The following TEAD4 variants were observed in gnomAD, a reference collection of about 807,000 sequenced individuals.
TEAD4 encodes TEA domain transcription factor 4, also known as transcriptional enhancer factor TEF-3.
TEAD4 carries 36 observed loss-of-function variants against 52.4 expected under a neutral mutation model. That is an observed-to-expected ratio of 0.69 (90% CI 0.53 to 0.91). The LOEUF (loss-of-function observed/expected upper bound fraction) is 0.91, where lower values mean the gene tolerates loss of function less well. Ranked by LOEUF, TEAD4 falls within the 40% of genes least tolerant of loss-of-function variation. The probability of loss-of-function intolerance (pLI) is 0.00; values close to 1 mark genes in which losing one functional copy is unlikely to be tolerated. For synonymous variants in TEAD4, 220 were observed against 231.0 expected, an observed-to-expected ratio of 0.95 and a Z score of 0.43; for missense variants, 508 against 583.9, an observed-to-expected ratio of 0.87 and a Z score of 1.34.
chr12:3,032,347 C>T (rs996674185), intron 10 of TEAD4, among the ~76,000 whole-genome samples: 4 of 152,100 alleles, frequency 2.6e-5, no homozygotes, highest in East Asian at 1.9e-4. Flanking sequence ...GCGCGGCCCT[C>T]GGCTTCCAGG....
In TEAD4 at chr12:3,020,708, G is replaced by A; in HGVS notation, c.658G>A (p.Ala220Thr). Residue 220 changes from alanine (A) to threonine (T), a missense_variant, in exon 9 of 13, where the codon GCC (alanine) becomes ACC (threonine). Ala to Thr is a moderately conservative substitution (Grantham distance 58). Coordinates refer to ENST00000359864, the MANE Select transcript of TEAD4 (RefSeq NM_003213.4). ...ACCCCCATGGCAGGGCCGCAGCGTG[G>A]CCAGCTCCAAGCTCTGGATGTTGGA... The A allele has an allele frequency of 6.2e-7, 1 of 1,609,286 alleles. No individual in the cohort carries two copies. The highest frequency in any genetic ancestry group is 8.5e-7 in the Non-Finnish European group (1 of 1,177,828).
chr12:3,012,550 C>G (rs2098261182), intron 5 of TEAD4, among the ~76,000 whole-genome samples: 1 of 152,100 alleles, frequency 6.6e-6, no homozygotes, highest in Admixed American at 6.5e-5. Flanking sequence ...GAGGGCCCCT[C>G]AGTGCCCTCG....
In TEAD4 at chr12:3,018,529, C is replaced by A; in HGVS notation, c.484-16C>A. ...CACCTGGGGCCGTGCTGATTCCATG[C>A]CTTTTGCCTCCTCAGTTTTGGCAAG... On this transcript the variant is annotated splice_polypyrimidine_tract_variant and intron_variant, in intron 6 of 12. Coordinates refer to ENST00000359864, the MANE Select transcript of TEAD4 (RefSeq NM_003213.4). The A allele has an allele frequency of 1.2e-6, 2 of 1,614,098 alleles. No homozygotes were observed. Among genetic ancestry groups the A allele is most frequent in the Non-Finnish European group, 1.7e-6 (2 of 1,179,980 alleles).
In TEAD4 at chr12:3,038,137, C is replaced by T. The variant is rs202226072; in HGVS notation, c.1038+29C>T. On this transcript the variant is annotated intron_variant, in intron 11 of 12. Coordinates refer to ENST00000359864, the MANE Select transcript of TEAD4 (RefSeq NM_003213.4). ...GGAGGCCACCCTGGCGGGTGAGGGC[C>T]GGTGGCAGTGGTCTGTGTTTGCTGG... 1.0e-3 allele frequency: 1,643 copies of T among 1,601,740 alleles called. 2 individuals carry two copies. Among genetic ancestry groups the T allele is most frequent in the Non-Finnish European group, 1.3e-3 (1,510 of 1,172,422 alleles).
rs1053879460 is a variant in TEAD4 at position 3,014,085 on chromosome 12, C to T, written c.354+1853C>T. Among the ~76,000 whole-genome samples, 53 of 152,316 alleles carry T rather than the reference C, an allele frequency of 3.5e-4. 1 individual carries two copies. Among genetic ancestry groups the T allele is most frequent in the African/African-American group, 1.2e-3 (49 of 41,570 alleles). ...ATCAGCCCAGCTGTTCCCCAAGCCC[C>T]ACAGCTGTGGCCTGGCACCTCGCTC... On this transcript the variant is annotated intron_variant, in intron 5 of 12. Transcript: ENST00000359864.
intron 11 of TEAD4, among the ~76,000 whole-genome samples, chr12:3,039,460 A>G (rs1436468197): frequency 1.3e-5 from 2 of 152,020 alleles, no homozygotes; most frequent in African/African-American, 2.4e-5. Context: ...CGGCACTCCT[A>G]TGTGCGCTTG....
At chr12:2,997,060 G>A (rs1299261792) in intron 3 of TEAD4, among the ~76,000 whole-genome samples, 1 of 152,174 alleles carries the variant, frequency 6.6e-6, no homozygotes, top group African/African-American at 2.4e-5. Flanking sequence ...GGTAGTCCAG[G>A]GAAGGTGTGG....
intron 6 of TEAD4, among the ~76,000 whole-genome samples, 200 bp downstream of exon 6, chr12:3,017,726 G>T (rs1358839158): frequency 6.6e-6 from 1 of 152,318 alleles, no homozygotes; most frequent in Middle Eastern, 3.4e-3. Flanking sequence ...GCTTTCTTGG[G>T]GTCCTCGGCA....
At chr12:3,006,581 G>A (rs889294591) in intron 3 of TEAD4, among the ~76,000 whole-genome samples, 1 of 152,190 alleles carries the variant, frequency 6.6e-6, no homozygotes, top group African/African-American at 2.4e-5. Context: ...CTACTTGGGA[G>A]GCTGAGGCAG....
intron 2 of TEAD4, among the ~76,000 whole-genome samples, chr12:2,969,996 C>T (rs1432374851): frequency 1.3e-5 from 2 of 152,062 alleles, no homozygotes; most frequent in African/African-American, 4.8e-5. Flanking sequence ...GAGGCTGAGG[C>T]GGGAGAGTTG....
chr12:3,001,178 G>T (rs543301398), intron 3 of TEAD4, among the ~76,000 whole-genome samples: 9 of 152,306 alleles, frequency 5.9e-5, no homozygotes, highest in African/African-American at 2.2e-4. Flanking sequence ...TAAAGTGGAG[G>T]TCATAATACT....
At chr12:2,975,873 C>A (rs2098229225) in intron 2 of TEAD4, among the ~76,000 whole-genome samples, 1 of 152,204 alleles carries the variant, frequency 6.6e-6, no homozygotes, top group Non-Finnish European at 1.5e-5. Context: ...AACCATTGAT[C>A]TTTTGACTGT....
chr12:3,030,676 G>A (rs12231771), intron 10 of TEAD4, among the ~76,000 whole-genome samples: 1 of 152,188 alleles, frequency 6.6e-6, no homozygotes, highest in East Asian at 1.9e-4. Flanking sequence ...CTCTGGAAGG[G>A]GAAAAAATAA....
intron 2 of TEAD4, among the ~76,000 whole-genome samples, chr12:2,962,996 C>T (rs1474198966): frequency 2.6e-5 from 4 of 152,164 alleles, no homozygotes; most frequent in South Asian, 2.1e-4. Flanking sequence ...CATGCCTTGT[C>T]GCTCAGATAA....
At chr12:3,014,732 C>T (rs905078308) in intron 5 of TEAD4, among the ~76,000 whole-genome samples, 7 of 152,188 alleles carry the variant, frequency 4.6e-5, no homozygotes, top group East Asian at 1.9e-4. Context: ...CTCCATTGCC[C>T]GGCTACTGCT....
intron 3 of TEAD4, among the ~76,000 whole-genome samples, chr12:3,004,075 C>T (rs1280707588): frequency 6.6e-6 from 1 of 152,208 alleles, no homozygotes; most frequent in Non-Finnish European, 1.5e-5. Context: ...CTACATGATC[C>T]AGGATACGCT....
chr12:3,014,342 C>T (rs1591586443), intron 5 of TEAD4, among the ~76,000 whole-genome samples: 1 of 152,232 alleles, frequency 6.6e-6, no homozygotes, highest in East Asian at 1.9e-4. Context: ...TTGTACTTGT[C>T]CTTGTCCACA....
intron 10 of TEAD4, among the ~76,000 whole-genome samples, chr12:3,025,536 T>A (rs75050541): frequency 6.6e-6 from 1 of 151,662 alleles, no homozygotes; most frequent in Admixed American, 6.6e-5. Context: ...TTTTTTTTTT[T>A]GAGACAGGGT....
intron 3 of TEAD4, among the ~76,000 whole-genome samples, chr12:2,999,151 T>C (rs1464150063): frequency 1.3e-5 from 2 of 152,168 alleles, no homozygotes; most frequent in Non-Finnish European, 2.9e-5. Flanking sequence ...GAGAGCTGAC[T>C]CAGACCTCAG....
Sources: gnomAD v4.1 joint callset for allele counts (sites outside exome capture counted in the v4.1 genomes callset) on GRCh38, gnomAD v4.1.1 for gene constraint, MANE v1.5 for transcripts, NCBI Gene and HGNC (gene_info 2026-07-23, HGNC 2026-07-21) for gene names.